Variants in UHRF1 observed in about 807,000 individuals in gnomAD.
The protein encoded by UHRF1 is ubiquitin like with PHD and ring finger domains 1.
In UHRF1, 9 loss-of-function variants were observed where a neutral mutation model predicts 96.5. The ratio of observed to expected loss-of-function variants is 0.09; its 90% CI spans 0.06 to 0.16. The LOEUF (loss-of-function observed/expected upper bound fraction) is 0.16. Among genes scored for constraint, UHRF1 ranks in the 10% least tolerant of loss-of-function variants. The pLI, the probability that UHRF1 is intolerant of heterozygous loss-of-function variation, is 1.00. For missense variants in UHRF1, 626 were observed against 1,131.1 expected (o/e 0.55, Z 6.40); for synonymous variants, 455 against 469.9 (o/e 0.97, Z 0.41).
At chr19:4,951,593 A>T (rs759922955) in intron 13 of UHRF1, among the ~76,000 whole-genome samples, 1 of 151,824 alleles carries the variant, frequency 6.6e-6, no homozygotes, top group Non-Finnish European at 1.5e-5. Flanking sequence ...GCCGCATCTC[A>T]GAGTTGAAAA....
In UHRF1 at chr19:4,924,562, AGTAAGCCACT is replaced by A. The variant is rs1343806437; in HGVS notation, c.154-4657_154-4648del. Among the ~76,000 whole-genome samples the A allele has an allele frequency of 7.2e-5, 11 of 152,186 alleles. 1 individual carries two copies. Among genetic ancestry groups the A allele is most frequent in the African/African-American group, 2.4e-4 (10 of 41,538 alleles). On this transcript the variant is annotated intron_variant, in intron 2 of 16. Transcript: ENST00000650932. The stretch of plus-strand genomic sequence containing the variant: ...GCCTCCCAAAATGCTGGGATTACAG[AGTAAGCCACT>A]GTGCCCAGCCCCTTTTTTAGAAAAA...
At chr19:4,926,342 G>T (rs537047247) in intron 2 of UHRF1, among the ~76,000 whole-genome samples, 3 of 152,330 alleles carry the variant, frequency 2.0e-5, no homozygotes, top group African/African-American at 7.2e-5. Flanking sequence ...CTCTGTGCTG[G>T]AGAGCTGGCC....
At chr19:4,908,033 C>G (rs1469215433), upstream of UHRF1, among the ~76,000 whole-genome samples, 1 of 152,130 alleles carries the variant, frequency 6.6e-6, no homozygotes, top group Non-Finnish European at 1.5e-5. Context: ...CATTGTAAAG[C>G]CTGCTTCCAC....
At chr19:4,950,800 G>T (rs2033696886) in intron 12 of UHRF1, 27 bp downstream of exon 12, 2 of 1,613,874 alleles carry the variant, frequency 1.2e-6, no homozygotes, top group Non-Finnish European at 1.7e-6. Flanking sequence ...GAGGCCGGGG[G>T]CTCTGTCCCC....
chr19:4,947,076 G>A (rs1211342750), intron 10 of UHRF1, 29 bp from the exon 11 acceptor site: 1 of 1,586,094 alleles, frequency 6.3e-7, no homozygotes, highest in African/African-American at 1.4e-5. Context: ...CTCTGCAGAG[G>A]GTTCACCCAG....
Position 4,909,564 on chromosome 19 carries a change from C to A in UHRF1, c.-102C>A. ...GGGCGCTCCGGGTCGCACGCAAGTC[C>A]GCGCGGGGTCCGGGCCACGCACGCG... On this transcript the variant is annotated 5_prime_UTR_variant, in exon 1 of 17. Transcript: ENST00000650932. 1.5e-6 allele frequency: 1 copy of A among 657,880 alleles called. No individual in the cohort carries two copies. 40.8% of individuals were successfully genotyped at this position (657,880 alleles called of 1,614,324 possible). A position where few individuals can be genotyped will look rare whatever the true frequency, so the allele number is the denominator to read the frequency against.
At chr19:4,937,979 C>G (rs1452024027) in intron 5 of UHRF1, among the ~76,000 whole-genome samples, 1 of 152,060 alleles carries the variant, frequency 6.6e-6, no homozygotes, top group Non-Finnish European at 1.5e-5. Context: ...GGTGTGAAAT[C>G]CCCGTCTCTA....
At chr19:4,911,588 G>GCTGA (rs2032277761) in intron 2 of UHRF1, among the ~76,000 whole-genome samples, 1 of 152,198 alleles carries the variant, frequency 6.6e-6, no homozygotes, top group Non-Finnish European at 1.5e-5. Context: ...TGCGGCTGCT[G>GCTGA]CTGACCTGGG....
At position 4,932,330 on chromosome 19, in the gene UHRF1, A is replaced by G. The variant is rs190308201; in HGVS notation, c.570-411A>G. On this transcript the variant is annotated intron_variant, in intron 4 of 16. Transcript: ENST00000650932. ...TGATCTTCCCGCTTCGGCCTCCCAAAGTGCTGGGATTACAGGCGTGGGCCA... is the reference window on the plus strand; with the variant it reads ...TGATCTTCCCGCTTCGGCCTCCCAAGGTGCTGGGATTACAGGCGTGGGCCA... Among the ~76,000 whole-genome samples the G allele has an allele frequency of 2.0e-3, 304 of 152,264 alleles. 1 individual carries two copies. Among genetic ancestry groups the G allele is most frequent in the African/African-American group, 7.0e-3 (291 of 41,556 alleles).
In UHRF1 at chr19:4,944,332, G is replaced by T; in HGVS notation, c.1198-11G>T. On this transcript the variant is annotated splice_polypyrimidine_tract_variant and intron_variant, in intron 8 of 16. Coordinates refer to ENST00000650932, the MANE Select transcript of UHRF1 (RefSeq NM_001048201.3). ...TCACGCTGTTGTTCTTTGTGTCTGT[G>T]CCTGGGACAGGGCATGGCCTGTGTG... The T allele has an allele frequency of 6.2e-7, 1 of 1,614,042 alleles. No individual in the cohort carries two copies. Among genetic ancestry groups the T allele is most frequent in the Non-Finnish European group, 8.5e-7 (1 of 1,179,898 alleles).
chr19:4,945,457 C>T (rs1052482702), intron 9 of UHRF1, among the ~76,000 whole-genome samples: 1 of 152,040 alleles, frequency 6.6e-6, no homozygotes, highest in African/African-American at 2.4e-5. Flanking sequence ...TGGGGTTTCA[C>T]CTTGTTGGCC....
intron 9 of UHRF1, 80 bp from the exon 10 acceptor site, chr19:4,945,781 G>A (rs1016694611): frequency 1.6e-6 from 2 of 1,233,796 alleles, no homozygotes; most frequent in Non-Finnish European, 2.3e-6. Flanking sequence ...GCTGCTCGGG[G>A]TAGGGAGGAG....
At chr19:4,933,254 T>C (rs1364353704) in intron 5 of UHRF1, among the ~76,000 whole-genome samples, 2 of 152,172 alleles carry the variant, frequency 1.3e-5, no homozygotes, top group Admixed American at 6.6e-5. Flanking sequence ...ATCGCTCTGT[T>C]GCCCAGGCTG....
rs755581884 is a variant in UHRF1 at position 4,941,731 on chromosome 19, C to T, written c.887-14C>T. The T allele has an allele frequency of 1.6e-5, 25 of 1,547,144 alleles. No homozygotes were observed. The African/African-American group carries it at 2.2e-4, about 14-fold the overall frequency. ...CGGGCCCCGCCGGAGCTGACCCTGC[C>T]GCCCCGTGCCCAGGGAAGAGCGGGC... On this transcript the variant is annotated splice_polypyrimidine_tract_variant and intron_variant, in intron 6 of 16. Coordinates refer to ENST00000650932, the MANE Select transcript of UHRF1 (RefSeq NM_001048201.3).
Position 4,945,849 on chromosome 19 carries a change from T to C in UHRF1, c.1306-12T>C. The C allele has an allele frequency of 6.3e-7, 1 of 1,599,276 alleles. No individual in the cohort carries two copies. Among genetic ancestry groups the C allele is most frequent in the Non-Finnish European group, 8.5e-7 (1 of 1,173,978 alleles). On this transcript the variant is annotated splice_polypyrimidine_tract_variant and intron_variant, in intron 9 of 16. Transcript: ENST00000650932. ...GCAGAGGACACCATGTATATCTTGG[T>C]GGCATCCTCAGGTCAGCGAGTCGGG...
intron 4 of UHRF1, among the ~76,000 whole-genome samples, chr19:4,932,166 G>A (rs943492253): frequency 6.6e-6 from 1 of 151,732 alleles, no homozygotes; most frequent in South Asian, 2.1e-4. Flanking sequence ...CAGATGATCT[G>A]CCTGCCTCAG....
chr19:4,922,958 C>T (rs1018890966), intron 2 of UHRF1, among the ~76,000 whole-genome samples: 5 of 152,218 alleles, frequency 3.3e-5, no homozygotes, highest in African/African-American at 1.2e-4. Flanking sequence ...CCGTCAGGCC[C>T]AGCAAGGGTG....
intron 11 of UHRF1, among the ~76,000 whole-genome samples, chr19:4,948,502 A>C (rs1303160724): frequency 1.3e-5 from 2 of 152,196 alleles, no homozygotes; most frequent in Non-Finnish European, 2.9e-5. Context: ...CAAATCAACA[A>C]GAAACTCATA....
At chr19:4,913,637 C>T (rs534978891) in intron 2 of UHRF1, among the ~76,000 whole-genome samples, 1 of 152,114 alleles carries the variant, frequency 6.6e-6, no homozygotes, top group East Asian at 1.9e-4. Context: ...CCGGACTGAA[C>T]AGGGAGCTGG....
Sources: gnomAD v4.1 joint callset for allele counts (sites outside exome capture counted in the v4.1 genomes callset) on GRCh38, gnomAD v4.1.1 for gene constraint, MANE v1.5 for transcripts, NCBI Gene and HGNC (gene_info 2026-07-23, HGNC 2026-07-21) for gene names.